Variants in SUCO observed in about 807,000 individuals in gnomAD.
The protein encoded by SUCO is SUN domain containing ossification factor, also known as SUN domain-containing ossification factor.
SUCO carries 57 observed loss-of-function variants against 148.1 expected under a neutral mutation model. The ratio of observed to expected loss-of-function variants is 0.38; its 90% CI spans 0.31 to 0.48. The LOEUF (loss-of-function observed/expected upper bound fraction) is 0.48. Ranked by LOEUF, SUCO falls within the 20% of genes least tolerant of loss-of-function variation. The probability of loss-of-function intolerance (pLI) is 0.96; values close to 1 mark genes in which losing one functional copy is unlikely to be tolerated. For synonymous variants in SUCO, 470 were observed against 502.7 expected (o/e 0.93, Z 0.87); for missense variants, 1,331 against 1,468.2 (o/e 0.91, Z 1.53).
At chr1:172,540,303 A>G (rs1202264524) in intron 1 of SUCO, among the ~76,000 whole-genome samples, 1 of 152,192 alleles carries the variant, frequency 6.6e-6, no homozygotes, top group Non-Finnish European at 1.5e-5. Context: ...TAATAATTTT[A>G]TCTGGCAAAG....
In SUCO at chr1:172,533,478, T is replaced by C; in HGVS notation, c.43T>C (p.Phe15Leu). 1 of 1,565,212 alleles carries C rather than the reference T, an allele frequency of 6.4e-7. No individual in the cohort carries two copies. The highest frequency in any genetic ancestry group is 1.2e-5 in the South Asian group (1 of 84,976). Residue 15 changes from phenylalanine to leucine, a missense_variant, in exon 1 of 24, where the codon TTT (phenylalanine) becomes CTT (leucine). Around this residue, in one of 3 missense-constraint regions of SUCO, gnomAD observed 992 missense variants for 1,093.5 expected, o/e 0.91. Coordinates refer to ENST00000263688, the MANE Select transcript of SUCO (RefSeq NM_014283.5). ...GGCCTTGGCCCTGGTCTCCTGCCTCTTTCTGTGCTCTCTGGTCTGGTGAGT... is the reference window on the plus strand; with the variant it reads ...GGCCTTGGCCCTGGTCTCCTGCCTCCTTCTGTGCTCTCTGGTCTGGTGAGT... ...RRALALVSCLFLCSLVWLPSW... is the reference protein window; with the variant it reads ...RRALALVSCLLLCSLVWLPSW...
rs1044499681 is a variant in SUCO, at chr1:172,557,415, C to T, written c.579C>T (p.Asp193=). 6.2e-6 allele frequency: 10 copies of T among 1,613,770 alleles called. No homozygotes were observed. Among genetic ancestry groups the T allele is most frequent in the Non-Finnish European group, 7.6e-6 (9 of 1,179,842 alleles). ...IEQPSFVSPP[D]SLVGQHIENV... ...AACCTTCCTTTGTCAGTCCACCTGACAGGTGGGTAGGAGCAGTTGTTTGTC... is the reference window on the plus strand; with the variant it reads ...AACCTTCCTTTGTCAGTCCACCTGATAGGTGGGTAGGAGCAGTTGTTTGTC... The change falls in exon 5 of 24, where the codon GAC becomes GAT. Residue 193 remains aspartate (D), a splice_region_variant and synonymous_variant. Transcript: ENST00000263688.
chr1:172,601,199 G>A (rs1657497128), intron 20 of SUCO, among the ~76,000 whole-genome samples: 1 of 152,192 alleles, frequency 6.6e-6, no homozygotes, highest in South Asian at 2.1e-4. Flanking sequence ...CAATTAAGAG[G>A]TAATTGCAGG....
chr1:172,595,829 G>A (rs1290025099), intron 19 of SUCO, among the ~76,000 whole-genome samples: 2 of 152,188 alleles, frequency 1.3e-5, no homozygotes, highest in East Asian at 1.9e-4. Context: ...GGCCTGCCTT[G>A]CTAGGTTGGG....
chr1:172,593,258 C>A (rs1351945707), intron 19 of SUCO, among the ~76,000 whole-genome samples: 2 of 152,150 alleles, frequency 1.3e-5, no homozygotes, highest in African/African-American at 2.4e-5. Context: ...TAATTGAATA[C>A]CCTTTATTTC....
At chr1:172,601,980 A>G in intron 20 of SUCO, 84 bp from the exon 21 acceptor site, 1 of 1,332,718 alleles carries the variant, frequency 7.5e-7, no homozygotes, top group Non-Finnish European at 1.0e-6. Context: ...ACTTAAAATG[A>G]TTTGTCCTTT....
chr1:172,563,097 T>G (rs1654306643), intron 6 of SUCO, among the ~76,000 whole-genome samples: 1 of 152,178 alleles, frequency 6.6e-6, no homozygotes, highest in African/African-American at 2.4e-5. Context: ...GTGAGTCAAT[T>G]AAAAATTAAA....
chr1:172,592,975 G>A (rs1045848031), intron 19 of SUCO, among the ~76,000 whole-genome samples: 1 of 151,698 alleles, frequency 6.6e-6, no homozygotes, highest in African/African-American at 2.4e-5. Context: ...TGTAGTTCTT[G>A]AAGAGTTCCT....
chr1:172,599,999 C>T, intron 19 of SUCO, 65 bp from the exon 20 acceptor site: 1 of 1,096,470 alleles, frequency 9.1e-7, no homozygotes, highest in Non-Finnish European at 1.3e-6. Flanking sequence ...GATTATTTGA[C>T]TTCAATTTAT....
In SUCO at chr1:172,556,033, T is replaced by C. The variant is rs753943099; in HGVS notation, c.443+10T>C. ...CAATCTCAAAGCTTGAGTAAGTTGT[T>C]ACAAAAAACAAACACAAAAAAGAAT... On this transcript the variant is annotated intron_variant, in intron 4 of 23. Transcript: ENST00000263688. The C allele has an allele frequency of 1.3e-6, 2 of 1,598,962 alleles. No homozygotes were observed. Among genetic ancestry groups the C allele is most frequent in the South Asian group, 1.1e-5 (1 of 89,598 alleles).
chr1:172,574,473 GA>G (rs1234018907), intron 10 of SUCO, among the ~76,000 whole-genome samples: 1 of 151,660 alleles, frequency 6.6e-6, no homozygotes, highest in Non-Finnish European at 1.5e-5. Flanking sequence ...GATTATAAAA[GA>G]AATAAATATA....
chr1:172,578,577 T>A lies in SUCO; in HGVS notation c.1432+188T>A, dbSNP rs1217426616. The A allele has an allele frequency of 3.1e-6, 3 of 955,236 alleles. No individual in the cohort carries two copies. In the African/African-American group the frequency reaches 5.3e-5, roughly 17 times the overall value. 59.2% of individuals were successfully genotyped at this position (955,236 alleles called of 1,614,324 possible). ...CTAATATGATTGCTTTGTATTCGTATTGCTTTCCAAGCTTATCTATCACTT... is the reference window on the plus strand; with the variant it reads ...CTAATATGATTGCTTTGTATTCGTAATGCTTTCCAAGCTTATCTATCACTT... On this transcript the variant is annotated intron_variant, in intron 14 of 23. Coordinates refer to ENST00000263688, the MANE Select transcript of SUCO (RefSeq NM_014283.5).
intron 1 of SUCO, among the ~76,000 whole-genome samples, chr1:172,539,113 T>C (rs185686634): frequency 6.6e-6 from 1 of 152,208 alleles, no homozygotes; most frequent in Non-Finnish European, 1.5e-5. Flanking sequence ...CATCACTCTT[T>C]CACTTTTCTC....
At chr1:172,533,119 C>T (rs1176789169), upstream of SUCO, 1 of 1,429,472 alleles carries the variant, frequency 7.0e-7, no homozygotes, top group East Asian at 2.6e-5. Context: ...GCTGGCCTCA[C>T]GGAGCAAGGC....
chr1:172,570,905 C>T (rs1224891478), intron 9 of SUCO, 175 bp downstream of exon 9: 2 of 478,226 alleles, frequency 4.2e-6, no homozygotes, highest in Non-Finnish European at 3.8e-6. Context: ...GAGGAGGTCA[C>T]AAAAAGCAAA....
intron 6 of SUCO, among the ~76,000 whole-genome samples, chr1:172,563,099 A>T (rs1374282596): frequency 6.6e-6 from 1 of 152,226 alleles, no homozygotes; most frequent in African/African-American, 2.4e-5. Context: ...GAGTCAATTA[A>T]AAATTAAACC....
intron 19 of SUCO, among the ~76,000 whole-genome samples, chr1:172,594,052 T>C (rs1558208515): frequency 6.6e-6 from 1 of 152,218 alleles, no homozygotes; most frequent in Non-Finnish European, 1.5e-5. Flanking sequence ...GATTTTCTAG[T>C]TTATTTGCGT....
chr1:172,566,983 CT>C (rs1268924578), intron 6 of SUCO, among the ~76,000 whole-genome samples: 1 of 152,154 alleles, frequency 6.6e-6, no homozygotes, highest in African/African-American at 2.4e-5. Context: ...GCTCTTTTGT[CT>C]TTTTCTGCCA....
chr1:172,575,654 A>G (rs369185427), intron 11 of SUCO, 31 bp downstream of exon 11: 8 of 1,439,438 alleles, frequency 5.6e-6, no homozygotes, highest in Non-Finnish European at 6.8e-6. Flanking sequence ...ACTATGTTCT[A>G]TAATGAAAAT....
Sources: allele counts gnomAD v4.1 joint callset (sites outside exome capture counted in the v4.1 genomes callset), GRCh38; gene constraint gnomAD v4.1.1; regional missense constraint gnomAD v4.1.1; transcripts MANE v1.5; gene names NCBI Gene and HGNC (gene_info 2026-07-23, HGNC 2026-07-21).